TAS1R3: variants seen among roughly 807,000 people sequenced by gnomAD.
The protein encoded by TAS1R3 is taste receptor type 1 member 3.
In TAS1R3, 58 loss-of-function variants were observed where a neutral mutation model predicts 46.1. That is an observed-to-expected ratio of 1.26 (90% CI 1.02 to 1.57). The LOEUF is 1.57. Ranked by LOEUF, TAS1R3 falls within the 40% of genes most tolerant of loss-of-function variation. The pLI is 0.00. For missense variants in TAS1R3, 1,422 were observed against 1,185.8 expected (o/e 1.20, Z -2.93); for synonymous variants, 724 against 544.7 (o/e 1.33, Z -4.58).
rs761362622 is a variant in TAS1R3 at position 1,334,476 on chromosome 1, G to C, written c.*12G>C. The C allele has an allele frequency of 3.3e-6, 5 of 1,519,966 alleles. No individual in the cohort carries two copies. The Admixed American group carries it at 9.7e-5, about 30-fold the overall frequency. 94.2% of individuals were successfully genotyped at this position (1,519,966 alleles called of 1,614,324 possible). A position where few individuals can be genotyped will look rare whatever the true frequency, so the allele number is the denominator to read the frequency against. On this transcript the variant is annotated 3_prime_UTR_variant, in exon 6 of 6. Coordinates refer to ENST00000339381, the MANE Select transcript of TAS1R3 (RefSeq NM_152228.3). Reference sequence around the variant, plus strand: ...GGAAACATGAGTGACCCAACCCTGTGATCTCAGCCCCGGTGAACCCAGACT... The same window carrying C: ...GGAAACATGAGTGACCCAACCCTGTCATCTCAGCCCCGGTGAACCCAGACT...
chr1:1,333,444 C>G lies in TAS1R3; in HGVS notation c.1601-62C>G, dbSNP rs1273621602. The stretch of plus-strand genomic sequence containing the variant: ...AGGGGAGGGTCCTGCCAAGTCCTGA[C>G]TCTGAGACCAGAGCCCACAGGGTAC... On this transcript the variant is annotated intron_variant, in intron 5 of 5. Coordinates refer to ENST00000339381, the MANE Select transcript of TAS1R3 (RefSeq NM_152228.3). 6 of 1,605,996 alleles carry G rather than the reference C, an allele frequency of 3.7e-6. No individual in the cohort carries two copies. The Admixed American group carries it at 6.7e-5, about 18-fold the overall frequency.
chr1:1,333,754 G>C lies in TAS1R3; in HGVS notation c.1849G>C (p.Val617Leu), dbSNP rs557274169. 3.8e-6 allele frequency: 6 copies of C among 1,598,794 alleles called. No homozygotes were observed. The African/African-American group carries it at 8.0e-5, about 21-fold the overall frequency. Residue 617 changes from valine to leucine, a missense_variant, in exon 6 of 6, where the codon GTC becomes CTC. Physicochemically the swap from Val to Leu is conservative, Grantham distance 32. Transcript: ENST00000339381. ...CTTTGGCCTGGTGTGCCTGGGCCTG[G>C]TCTGCCTCAGCGTCCTCCTGTTCCC... ...ACFGLVCLGL[V>L]CLSVLLFPGQ...
Position 1,331,894 on chromosome 1 carries a change from G to A in TAS1R3, c.448G>A (p.Ala150Thr), listed in dbSNP as rs376661451. 71 of 1,612,628 alleles carry A rather than the reference G, an allele frequency of 4.4e-5. No individual in the cohort carries two copies. The highest frequency in any genetic ancestry group is 8.0e-5 in the African/African-American group (6 of 75,048). Residue 150 changes from alanine (A) to threonine (T), a missense_variant, in exon 2 of 6, where the codon GCC (alanine) becomes ACC (threonine). Ala to Thr is a moderately conservative substitution (Grantham distance 58, BLOSUM62 0). Transcript: ENST00000339381. ...AVIGPHSSELAMVTGKFFSFF... is the reference protein window; with the variant it reads ...AVIGPHSSELTMVTGKFFSFF... ...CATCGGGCCCCACTCGTCAGAGCTC[G>A]CCATGGTCACCGGCAAGTTCTTCAG...
chr1:1,332,377 C>A lies in TAS1R3; in HGVS notation c.846C>A (p.Ala282=). ...LLFASVHAAH[A]LFNYSISSRL... Reference sequence around the variant, plus strand: ...TCGCCTCCGTGCACGCCGCCCACGCCCTCTTCAACTACAGCATCAGCAGCA... The same window carrying A: ...TCGCCTCCGTGCACGCCGCCCACGCACTCTTCAACTACAGCATCAGCAGCA... Residue 282 remains alanine, a synonymous_variant, in exon 3 of 6, where the codon GCC becomes GCA. Coordinates refer to ENST00000339381, the MANE Select transcript of TAS1R3 (RefSeq NM_152228.3). 1.2e-6 allele frequency: 2 copies of A among 1,601,214 alleles called. No individual in the cohort carries two copies. The highest frequency in any genetic ancestry group is 4.5e-5 in the East Asian group (2 of 44,446).
chr1:1,333,756 C>G lies in TAS1R3; in HGVS notation c.1851C>G (p.Val617=). The change falls in exon 6 of 6, where the codon GTC becomes GTG. Residue 617 remains valine, a synonymous_variant. Coordinates refer to ENST00000339381, the MANE Select transcript of TAS1R3 (RefSeq NM_152228.3). The part of the protein sequence containing the change: ...ACFGLVCLGL[V]CLSVLLFPGQ... The stretch of plus-strand genomic sequence containing the variant: ...TTGGCCTGGTGTGCCTGGGCCTGGT[C>G]TGCCTCAGCGTCCTCCTGTTCCCTG... 6.3e-7 allele frequency: 1 copy of G among 1,598,068 alleles called. No individual in the cohort carries two copies. Among genetic ancestry groups the G allele is most frequent in the East Asian group, 2.2e-5 (1 of 44,520 alleles).
At position 1,333,746 on chromosome 1, in the gene TAS1R3, T is replaced by C. The variant is rs1438849836; in HGVS notation, c.1841T>C (p.Leu614Pro). 2 of 1,601,940 alleles carry C rather than the reference T, an allele frequency of 1.2e-6. No individual in the cohort carries two copies. Among genetic ancestry groups the C allele is most frequent in the Non-Finnish European group, 8.5e-7 (1 of 1,176,254 alleles). Residue 614 changes from leucine (L) to proline (P), a missense_variant, in exon 6 of 6, where the codon CTG becomes CCG. Physicochemically the swap from Leu to Pro is moderately conservative, Grantham distance 98. Coordinates refer to ENST00000339381, the MANE Select transcript of TAS1R3 (RefSeq NM_152228.3). ...CTGGCCTGCTTTGGCCTGGTGTGCCTGGGCCTGGTCTGCCTCAGCGTCCTC... is the reference window on the plus strand; with the variant it reads ...CTGGCCTGCTTTGGCCTGGTGTGCCCGGGCCTGGTCTGCCTCAGCGTCCTC... The part of the protein sequence containing the change: ...GPLACFGLVC[L>P]GLVCLSVLLF...
rs779711624 is a variant in TAS1R3 at position 1,333,052 on chromosome 1, C to T, written c.1407C>T (p.His469=). The change falls in exon 4 of 6, where the codon CAC becomes CAT. Residue 469 remains histidine (H), a synonymous_variant. Transcript: ENST00000339381. Reference sequence around the variant, plus strand: ...GGCAGGGCTCAGTGCCCAGGCTCCACGACGTGGGCAGGTTCAACGGCAGCC... The same window carrying T: ...GGCAGGGCTCAGTGCCCAGGCTCCATGACGTGGGCAGGTTCAACGGCAGCC... ...WVWQGSVPRL[H]DVGRFNGSLR... The T allele has an allele frequency of 5.1e-5, 82 of 1,612,606 alleles. 2 individuals carry two copies. In the South Asian group the frequency reaches 5.8e-4, roughly 11 times the overall value.
At position 1,332,464 on chromosome 1, in the gene TAS1R3, G is replaced by T. The variant is rs1488712570; in HGVS notation, c.933G>T (p.Gly311=). Residue 311 remains glycine (G), a synonymous_variant, in exon 3 of 6, where the codon GGG becomes GGT. Transcript: ENST00000339381. ...GGCTGACCTCTGACCTGGTCATGGG[G>T]CTGCCCGGCATGGCCCAGATGGGCA... ...EAWLTSDLVM[G]LPGMAQMGTV... 6.2e-7 allele frequency: 1 copy of T among 1,609,314 alleles called. No homozygotes were observed. Among genetic ancestry groups the T allele is most frequent in the Non-Finnish European group, 8.5e-7 (1 of 1,179,638 alleles).
chr1:1,333,668 G>C lies in TAS1R3; in HGVS notation c.1763G>C (p.Gly588Ala). ...CTGGGCCTTGTGCTGGCTGCTTTGG[G>C]GCTGTTCGTTCACCATCGGGACAGC... ...LALGLVLAAL[G>A]LFVHHRDSPL... Residue 588 changes from glycine to alanine, a missense_variant, in exon 6 of 6, where the codon GGG becomes GCG. Coordinates refer to ENST00000339381, the MANE Select transcript of TAS1R3 (RefSeq NM_152228.3). 6.2e-7 allele frequency: 1 copy of C among 1,612,084 alleles called. No homozygotes were observed. The highest frequency in any genetic ancestry group is 8.5e-7 in the Non-Finnish European group (1 of 1,179,902).
At position 1,332,353 on chromosome 1, in the gene TAS1R3, C is replaced by G. The variant is rs780401323; in HGVS notation, c.822C>G (p.Phe274Leu). 5 of 1,602,086 alleles carry G rather than the reference C, an allele frequency of 3.1e-6. No individual in the cohort carries two copies. In the Admixed American group the frequency reaches 8.5e-5, roughly 27 times the overall value. Reference protein sequence around the residue: ...NQSSVQVVLLFASVHAAHALF... With the variant: ...NQSSVQVVLLLASVHAAHALF... ...GCAGCGTGCAGGTGGTGCTGCTGTT[C>G]GCCTCCGTGCACGCCGCCCACGCCC... The change falls in exon 3 of 6, where the codon TTC becomes TTG. Residue 274 changes from phenylalanine (F) to leucine (L), a missense_variant. Coordinates refer to ENST00000339381, the MANE Select transcript of TAS1R3 (RefSeq NM_152228.3).
chr1:1,331,315 CCTGCCGTGCCTGTTGGAAGTTGCCT>C lies in TAS1R3; in HGVS notation c.-25_-1del, dbSNP rs767255604. ...TGTGAGGCCCCAGTCGGGGCAGCCA[CCTGCCGTGCCTGTTGGAAGTTGCCT>C]CTGCCATGCTGGGCCCTGCTGTCCT... On this transcript the variant is annotated 5_prime_UTR_variant, in exon 1 of 6. Coordinates refer to ENST00000339381, the MANE Select transcript of TAS1R3 (RefSeq NM_152228.3). 1 of 1,536,372 alleles carries C rather than the reference CCTGCCGTGCCTGTTGGAAGTTGCCT, an allele frequency of 6.5e-7. No homozygotes were observed. Among genetic ancestry groups the C allele is most frequent in the African/African-American group, 1.4e-5 (1 of 71,920 alleles).
At position 1,332,190 on chromosome 1, in the gene TAS1R3, G is replaced by A. The variant is rs768168565; in HGVS notation, c.659G>A (p.Arg220Gln). The change falls in exon 3 of 6, where the codon CGG (arginine) becomes CAG (glutamine). Residue 220 changes from arginine to glutamine, a missense_variant. Arg to Gln is a conservative substitution (Grantham distance 43). Coordinates refer to ENST00000339381, the MANE Select transcript of TAS1R3 (RefSeq NM_152228.3). The part of the protein sequence containing the change: ...AALGSDDEYG[R>Q]QGLSIFSALA... ...CTGGGCAGCGACGACGAGTACGGCC[G>A]GCAGGGCCTGAGCATCTTCTCGGCC... is the stretch of plus-strand genomic sequence containing the variant. 133 of 1,595,376 alleles carry A rather than the reference G, an allele frequency of 8.3e-5. No individual in the cohort carries two copies. The highest frequency in any genetic ancestry group is 9.8e-5 in the Non-Finnish European group (116 of 1,177,676).
chr1:1,331,646 C>T lies in TAS1R3; in HGVS notation c.200C>T (p.Ser67Leu). The T allele has an allele frequency of 6.2e-7, 1 of 1,609,904 alleles. No individual in the cohort carries two copies. Among genetic ancestry groups the T allele is most frequent in the Middle Eastern group, 1.7e-4 (1 of 6,056 alleles). ...PSSPVCTRFS[S>L]NGLLWALAMK... ...GTTCTGTGTGGCCCCAGGTTCTCCT[C>T]AAACGGCCTGCTCTGGGCACTGGCC... is the stretch of plus-strand genomic sequence containing the variant. The change falls in exon 2 of 6, where the codon TCA (serine) becomes TTA (leucine). Residue 67 changes from serine (S) to leucine (L), a missense_variant. Physicochemically the swap from Ser to Leu is moderately radical, Grantham distance 145. Coordinates refer to ENST00000339381, the MANE Select transcript of TAS1R3 (RefSeq NM_152228.3).
chr1:1,332,511 G>A lies in TAS1R3; in HGVS notation c.980G>A (p.Arg327Lys), dbSNP rs1643452188. The change falls in exon 3 of 6, where the codon AGG becomes AAG. Residue 327 changes from arginine (R) to lysine (K), a missense_variant. Transcript: ENST00000339381. Reference sequence around the variant, plus strand: ...GGCACGGTGCTTGGCTTCCTCCAGAGGGGTGCCCAGCTGCACGAGTTCCCC... The same window carrying A: ...GGCACGGTGCTTGGCTTCCTCCAGAAGGGTGCCCAGCTGCACGAGTTCCCC... Reference protein sequence around the residue: ...QMGTVLGFLQRGAQLHEFPQY... With the variant: ...QMGTVLGFLQKGAQLHEFPQY... 5 of 1,611,300 alleles carry A rather than the reference G, an allele frequency of 3.1e-6. No homozygotes were observed. The African/African-American group carries it at 5.3e-5, about 17-fold the overall frequency.
chr1:1,334,684 G>A lies in TAS1R3; in HGVS notation c.*220G>A. 1.7e-6 allele frequency: 1 copy of A among 572,060 alleles called. No homozygotes were observed. Among genetic ancestry groups the A allele is most frequent in the South Asian group, 2.5e-5 (1 of 40,656 alleles). 35.4% of individuals were successfully genotyped at this position (572,060 alleles called of 1,614,324 possible). A position where few individuals can be genotyped will look rare whatever the true frequency, so the allele number is the denominator to read the frequency against. ...CCAAGCTGTGTCCCTGTCCCTCTGT[G>A]CCCAGACCAGGCCTGCCCAGGTAAC... On this transcript the variant is annotated 3_prime_UTR_variant, in exon 6 of 6. Transcript: ENST00000339381.
In TAS1R3 at chr1:1,333,131, T is replaced by C. The variant is rs776057886; in HGVS notation, c.1479+7T>C. On this transcript the variant is annotated splice_region_variant and intron_variant, in intron 4 of 5. Coordinates refer to ENST00000339381, the MANE Select transcript of TAS1R3 (RefSeq NM_152228.3). ...GCACACGTCTGACAACCAGGTGAGG[T>C]GAGGGTGGGTGTGCCAGGCGTGCCC... The C allele has an allele frequency of 3.1e-6, 5 of 1,608,100 alleles. No homozygotes were observed. Among genetic ancestry groups the C allele is most frequent in the Admixed American group, 1.7e-5 (1 of 59,724 alleles).
chr1:1,333,593 CA>C lies in TAS1R3; in HGVS notation c.1689del (p.Trp564GlyfsTer13). The stretch of plus-strand genomic sequence containing the variant: ...TTCCGCCGCAGGTCTCGGTTCCTGG[CA>C]TGGGGCGAGCCGGCTGTGCTGCTGC... ...RCFRRRSRFL[A>X]WGEPAVLLLL... On this transcript the variant is annotated frameshift_variant, in exon 6 of 6. Transcript: ENST00000339381. LOFTEE classifies it low-confidence loss of function (END_TRUNC). 6 of 1,608,906 alleles carry C rather than the reference CA, an allele frequency of 3.7e-6. No individual in the cohort carries two copies. The highest frequency in any genetic ancestry group is 5.1e-6 in the Non-Finnish European group (6 of 1,179,930).
Position 1,332,743 on chromosome 1 carries a change from G to C in TAS1R3, c.1212G>C (p.Leu404=), listed in dbSNP as rs1295488052. The C allele has an allele frequency of 6.2e-7, 1 of 1,605,120 alleles. No homozygotes were observed. The highest frequency in any genetic ancestry group is 8.5e-7 in the Non-Finnish European group (1 of 1,179,878). Residue 404 remains leucine (L), a synonymous_variant, in exon 3 of 6, where the codon CTG becomes CTC. Coordinates refer to ENST00000339381, the MANE Select transcript of TAS1R3 (RefSeq NM_152228.3). ...YAAVYSVAQA[L]HNTLQCNASG... The stretch of plus-strand genomic sequence containing the variant: ...CTGTGTATAGCGTGGCCCAGGCCCT[G>C]CACAACACTCTTCAGTGCAACGCCT...
In TAS1R3 at chr1:1,332,769, C is replaced by T; in HGVS notation, c.1238C>T (p.Ser413Leu). Residue 413 changes from serine to leucine, a missense_variant, in exon 3 of 6, where the codon TCA (serine) becomes TTA (leucine). Ser to Leu is a moderately radical substitution (Grantham distance 145). Coordinates refer to ENST00000339381, the MANE Select transcript of TAS1R3 (RefSeq NM_152228.3). ...ALHNTLQCNA[S>L]GCPAQDPVKP... ...CACAACACTCTTCAGTGCAACGCCT[C>T]AGGCTGCCCCGCGCAGGACCCCGTG... is the stretch of plus-strand genomic sequence containing the variant. 6.2e-7 allele frequency: 1 copy of T among 1,606,244 alleles called. No individual in the cohort carries two copies. Among genetic ancestry groups the T allele is most frequent in the African/African-American group, 1.3e-5 (1 of 75,036 alleles).
Sources: gnomAD v4.1 joint callset for allele counts on GRCh38, gnomAD v4.1.1 for gene constraint, MANE v1.5 for transcripts, NCBI Gene and HGNC (gene_info 2026-07-23, HGNC 2026-07-21) for gene names.